Variants in RHOG observed in about 807,000 individuals in gnomAD.
RHOG encodes the protein rho-related GTP-binding protein RhoG.
A neutral mutation model predicts 12.3 loss-of-function variants in RHOG; 1 was observed. The ratio of observed to expected loss-of-function variants is 0.08; its 90% CI spans 0.03 to 0.39. RHOG has a LOEUF of 0.39. RHOG is among the 10% of genes least tolerant of loss of function. The pLI is 0.99. For synonymous variants in RHOG, 129 were observed against 116.0 expected (o/e 1.11, Z -0.72); for missense variants, 114 against 266.2 (o/e 0.43, Z 3.98).
intron 1 of RHOG, among the ~76,000 whole-genome samples, chr11:3,828,995 C>A (rs921692914): frequency 5.3e-5 from 8 of 151,984 alleles, no homozygotes; most frequent in African/African-American, 1.7e-4. Flanking sequence ...CTACTAGATC[C>A]TCTACTAAAT....
At chr11:3,832,844 T>C (rs1024230756) in intron 1 of RHOG, among the ~76,000 whole-genome samples, 2 of 152,164 alleles carry the variant, frequency 1.3e-5, no homozygotes, top group Non-Finnish European at 2.9e-5. Context: ...GAGTGTGACC[T>C]ATCTGGAGCG....
chr11:3,831,120 C>T (rs2090125290), intron 1 of RHOG, among the ~76,000 whole-genome samples: 1 of 152,192 alleles, frequency 6.6e-6, no homozygotes, highest in South Asian at 2.1e-4. Flanking sequence ...ACTTGCTATA[C>T]TGCAAGGCTG....
chr11:3,828,610 C>T (rs7929197), intron 1 of RHOG, among the ~76,000 whole-genome samples: 37,846 of 149,014 alleles, frequency 0.25, 5,526 homozygotes, highest in African/African-American at 0.38. Context: ...GCCTCGTCCA[C>T]AAGTATTAGC....
intron 1 of RHOG, among the ~76,000 whole-genome samples, chr11:3,835,961 G>A (rs571312937): frequency 6.6e-6 from 1 of 151,970 alleles, no homozygotes; most frequent in Non-Finnish European, 1.5e-5. Flanking sequence ...TGAGGTCAGT[G>A]TGGGACTGGG....
chr11:3,829,249 A>ATT lies in RHOG; in HGVS notation c.-68-1045_-68-1044dup, dbSNP rs869157708. ...TCCAGGGTATTCTGGCAATGGGGAA[A>ATT]TTTTTTTTTTTTTTTTTTTTTGAGA... On this transcript the variant is annotated intron_variant, in intron 1 of 1. Transcript: ENST00000351018. 6.6e-4 allele frequency among the ~76,000 whole-genome samples: 61 copies of ATT among 92,748 alleles called. 1 individual carries two copies. The highest frequency in any genetic ancestry group is 1.3e-3 in the African/African-American group (35 of 26,872). 60.8% of individuals were successfully genotyped at this position (92,748 alleles called of 152,430 possible). A position where few individuals can be genotyped will look rare whatever the true frequency, so the allele number is the denominator to read the frequency against.
chr11:3,828,378 A>T (rs1245161911), intron 1 of RHOG, among the ~76,000 whole-genome samples, 172 bp from the exon 2 acceptor site: 1 of 152,240 alleles, frequency 6.6e-6, no homozygotes, highest in Non-Finnish European at 1.5e-5. Context: ...CCTGAGGCCA[A>T]GCAAAGAGGC....
At chr11:3,829,652 T>C (rs538191562) in intron 1 of RHOG, among the ~76,000 whole-genome samples, 1 of 152,248 alleles carries the variant, frequency 6.6e-6, no homozygotes, top group African/African-American at 2.4e-5. Flanking sequence ...GGACCTGGGA[T>C]TTGGACTGGG....
intron 1 of RHOG, among the ~76,000 whole-genome samples, chr11:3,834,472 T>G (rs1245411962): frequency 6.6e-6 from 1 of 152,194 alleles, no homozygotes; most frequent in Non-Finnish European, 1.5e-5. Context: ...GGACACTCCC[T>G]GCCCACCCCC....
Position 3,828,103 on chromosome 11 carries a change from C to G in RHOG, c.36G>C (p.Gly12=), listed in dbSNP as rs756262131. 4 of 1,613,964 alleles carry G rather than the reference C, an allele frequency of 2.5e-6. No individual in the cohort carries two copies. The highest frequency in any genetic ancestry group is 1.6e-4 in the Middle Eastern group (1 of 6,062). ...TGAGCAGGCACGTCTTGCCCACAGC[C>G]CCATCACCCACCACCACGCACTTGA... is the stretch of plus-strand genomic sequence containing the variant. The part of the protein sequence containing the change: ...QSIKCVVVGD[G]AVGKTCLLIC... The change falls in exon 2 of 2, where the codon GGG becomes GGC. Residue 12 remains glycine (G), a synonymous_variant. Coordinates refer to ENST00000351018, the MANE Select transcript of RHOG (RefSeq NM_001665.4).
chr11:3,836,052 TAAA>T (rs58765611), intron 1 of RHOG, among the ~76,000 whole-genome samples: 5 of 142,502 alleles, frequency 3.5e-5, no homozygotes, highest in Non-Finnish European at 3.0e-5. Flanking sequence ...TTCCTAGCCT[TAAA>T]AAAAAAAAAA....
chr11:3,827,333 T>G lies in RHOG; in HGVS notation c.*230A>C. The G allele has an allele frequency of 3.6e-6, 2 of 558,946 alleles. No individual in the cohort carries two copies. Among genetic ancestry groups the G allele is most frequent in the South Asian group, 4.7e-5 (2 of 42,350 alleles). 34.6% of individuals were successfully genotyped at this position (558,946 alleles called of 1,614,324 possible). On this transcript the variant is annotated 3_prime_UTR_variant, in exon 2 of 2. Coordinates refer to ENST00000351018, the MANE Select transcript of RHOG (RefSeq NM_001665.4). The surrounding 1 kb of genome is among the most constrained non-coding windows in gnomAD (Gnocchi z 7.3). The stretch of plus-strand genomic sequence containing the variant: ...GGGAGGGGTCCAACCTTGGCTTGGA[T>G]GAGCTCATGAGAATACCCAGTGTTC...
rs372596451 is a variant in RHOG at position 3,834,650 on chromosome 11, G to C, written c.-69+6244C>G. Among the ~76,000 whole-genome samples, 5 of 152,364 alleles carry C rather than the reference G, an allele frequency of 3.3e-5. No individual in the cohort carries two copies. In the South Asian group the frequency reaches 1.0e-3, roughly 32 times the overall value. ...ATCTGAATGTGGTCCCTGGAGCCCG[G>C]CTTGTACCCAGTGGGGCCTGGCCTT... On this transcript the variant is annotated intron_variant, in intron 1 of 1. Coordinates refer to ENST00000351018, the MANE Select transcript of RHOG (RefSeq NM_001665.4).
At chr11:3,838,069 C>T (rs2090167258) in intron 1 of RHOG, among the ~76,000 whole-genome samples, 1 of 152,226 alleles carries the variant, frequency 6.6e-6, no homozygotes, top group African/African-American at 2.4e-5. Flanking sequence ...CTCCTCAGCT[C>T]TTGTCACGGA....
Position 3,827,314 on chromosome 11 carries a change from G to C in RHOG, c.*249C>G, listed in dbSNP as rs558648984. The C allele has an allele frequency of 1.3e-5, 7 of 543,324 alleles. No homozygotes were observed. The South Asian group carries it at 1.7e-4, about 13-fold the overall frequency. 33.7% of individuals were successfully genotyped at this position (543,324 alleles called of 1,614,324 possible). On this transcript the variant is annotated 3_prime_UTR_variant, in exon 2 of 2. Transcript: ENST00000351018. The surrounding 1 kb of genome is among the most constrained non-coding windows in gnomAD (Gnocchi z 7.3). ...GCACTGGGTTGGCCTCTTGGGGAGG[G>C]GTCCAACCTTGGCTTGGATGAGCTC... is the stretch of plus-strand genomic sequence containing the variant.
intron 1 of RHOG, among the ~76,000 whole-genome samples, chr11:3,839,590 AACACACACGCAAAC>A (rs1244645903): frequency 2.0e-5 from 2 of 100,954 alleles, no homozygotes; most frequent in Non-Finnish European, 4.2e-5. Flanking sequence ...CGCGCGTGCG[AACACACACGCAAAC>A]ACACACACAC....
At chr11:3,828,841 C>G (rs7929448) in intron 1 of RHOG, among the ~76,000 whole-genome samples, 12 of 151,184 alleles carry the variant, frequency 7.9e-5, no homozygotes, top group Admixed American at 1.3e-4. Flanking sequence ...AGGATGGTCT[C>G]GATCTCCTGA....
At chr11:3,834,244 T>A (rs1029699308) in intron 1 of RHOG, among the ~76,000 whole-genome samples, 4 of 152,192 alleles carry the variant, frequency 2.6e-5, no homozygotes, top group African/African-American at 4.8e-5. Context: ...AACCCTGCTT[T>A]GGCTCTGTGT....
intron 1 of RHOG, among the ~76,000 whole-genome samples, chr11:3,835,745 G>A (rs542947476): frequency 1.9e-4 from 29 of 152,320 alleles, no homozygotes; most frequent in African/African-American, 6.7e-4. Context: ...AAGTGGTCCC[G>A]ACAGGCTACA....
In RHOG at chr11:3,828,100, A is replaced by G. The variant is rs2135132010; in HGVS notation, c.39T>C (p.Ala13=). 6.2e-7 allele frequency: 1 copy of G among 1,614,126 alleles called. No homozygotes were observed. The highest frequency in any genetic ancestry group is 8.5e-7 in the Non-Finnish European group (1 of 1,179,932). ...AGATGAGCAGGCACGTCTTGCCCAC[A>G]GCCCCATCACCCACCACCACGCACT... ...SIKCVVVGDG[A]VGKTCLLICY... Residue 13 remains alanine (A), a synonymous_variant, in exon 2 of 2, where the codon GCT becomes GCC. Coordinates refer to ENST00000351018, the MANE Select transcript of RHOG (RefSeq NM_001665.4).
Sources: allele counts gnomAD v4.1 joint callset (sites outside exome capture counted in the v4.1 genomes callset), GRCh38; gene constraint gnomAD v4.1.1; non-coding constraint Gnocchi (gnomAD v3.1); transcripts MANE v1.5; gene names NCBI Gene and HGNC (gene_info 2026-07-23, HGNC 2026-07-21).